The following SGCZ variants were observed in gnomAD, a reference collection of about 807,000 sequenced individuals.
The protein encoded by SGCZ is sarcoglycan zeta.
A neutral mutation model predicts 41.3 loss-of-function variants in SGCZ; 40 were observed. That is an observed-to-expected ratio of 0.97 (90% CI 0.75 to 1.26). The LOEUF (loss-of-function observed/expected upper bound fraction) is 1.26, where lower values mean the gene tolerates loss of function less well. Ranked by LOEUF, SGCZ falls within the 50% of genes most tolerant of loss-of-function variation. The pLI is 0.00. For missense variants in SGCZ, 552 were observed against 369.8 expected (o/e 1.49, Z -4.04); for synonymous variants, 206 against 137.5 (o/e 1.50, Z -3.49).
intron 1 of SGCZ, among the ~76,000 whole-genome samples, chr8:15,120,288 A>G (rs1264034271): frequency 6.6e-6 from 1 of 152,240 alleles, no homozygotes; most frequent in African/African-American, 2.4e-5. Flanking sequence ...TTAAAATTGT[A>G]AGAAAATTTC....
intron 5 of SGCZ, among the ~76,000 whole-genome samples, chr8:14,153,917 TCTCTCTCACA>T (rs1322959512): frequency 8.9e-6 from 1 of 112,656 alleles, no homozygotes; most frequent in African/African-American, 3.8e-5. Flanking sequence ...TCTCTCTCTC[TCTCTCTCACA>T]CACACACACA....
At chr8:14,595,418 C>G (rs1304590671) in intron 1 of SGCZ, among the ~76,000 whole-genome samples, 2 of 151,620 alleles carry the variant, frequency 1.3e-5, no homozygotes, top group African/African-American at 4.8e-5. Context: ...CACACACACA[C>G]ACACACACAC....
intron 1 of SGCZ, among the ~76,000 whole-genome samples, chr8:14,957,306 T>A (rs534308608): frequency 2.6e-5 from 4 of 152,126 alleles, no homozygotes; most frequent in Non-Finnish European, 5.9e-5. Context: ...TTAAATTTAA[T>A]GGTTACCATA....
chr8:14,116,485 T>C (rs1802526962), intron 5 of SGCZ, among the ~76,000 whole-genome samples: 1 of 152,116 alleles, frequency 6.6e-6, no homozygotes, highest in Non-Finnish European at 1.5e-5. Context: ...ATTCATTTAC[T>C]AATAACCAGG....
At chr8:15,116,961 T>C (rs1244658811) in intron 1 of SGCZ, among the ~76,000 whole-genome samples, 2 of 152,248 alleles carry the variant, frequency 1.3e-5, no homozygotes, top group Non-Finnish European at 2.9e-5. Flanking sequence ...AGATAGACAT[T>C]TATGAATTTT....
intron 1 of SGCZ, among the ~76,000 whole-genome samples, chr8:15,227,422 C>A (rs987921547): frequency 1.3e-5 from 2 of 152,096 alleles, no homozygotes; most frequent in Non-Finnish European, 2.9e-5. Context: ...CCAGAGAGTT[C>A]TAAGCATTAC....
rs73535230 is a variant in SGCZ at position 14,578,665 on chromosome 8, C to A, written c.40-23739G>T. Among the ~76,000 whole-genome samples the A allele has an allele frequency of 5.6e-3, 846 of 152,136 alleles. 8 individuals carry two copies. Among genetic ancestry groups the A allele is most frequent in the African/African-American group, 0.019 (806 of 41,490 alleles). ...ATTCTGAGGTCAATTTCAGAAAATT[C>A]GGTGATGAATAATAAGGGATATTAC... On this transcript the variant is annotated intron_variant, in intron 1 of 7. Coordinates refer to ENST00000382080, the MANE Select transcript of SGCZ (RefSeq NM_139167.4).
At chr8:14,857,478 A>G (rs1803582313) in intron 1 of SGCZ, among the ~76,000 whole-genome samples, 1 of 152,206 alleles carries the variant, frequency 6.6e-6, no homozygotes, top group Non-Finnish European at 1.5e-5. Context: ...TTATTTTTAC[A>G]AGACTAGTAT....
At chr8:14,337,981 C>G (rs1802560698) in intron 2 of SGCZ, among the ~76,000 whole-genome samples, 1 of 152,168 alleles carries the variant, frequency 6.6e-6, no homozygotes, top group East Asian at 1.9e-4. Context: ...TGCTTAATAA[C>G]TCTTGCTGTC....
intron 1 of SGCZ, among the ~76,000 whole-genome samples, chr8:14,644,696 C>T (rs574062991): frequency 2.6e-5 from 4 of 151,568 alleles, no homozygotes; most frequent in Middle Eastern, 3.4e-3. Flanking sequence ...TTTTAAGAGA[C>T]CAGCCAAAAA....
chr8:14,901,704 G>C (rs549355412), intron 1 of SGCZ, among the ~76,000 whole-genome samples: 2 of 151,870 alleles, frequency 1.3e-5, no homozygotes, highest in African/African-American at 2.4e-5. Flanking sequence ...ATATATTTTC[G>C]GTAAAAATGC....
chr8:14,626,876 T>A (rs997947071), intron 1 of SGCZ, among the ~76,000 whole-genome samples: 2 of 152,162 alleles, frequency 1.3e-5, no homozygotes, highest in Non-Finnish European at 2.9e-5. Flanking sequence ...TACTTTGTGA[T>A]GGTAGCAAAC....
chr8:15,169,340 A>G (rs1412731020), intron 1 of SGCZ, among the ~76,000 whole-genome samples: 3 of 152,204 alleles, frequency 2.0e-5, no homozygotes, highest in Non-Finnish European at 4.4e-5. Flanking sequence ...TGGAAAGTTC[A>G]GGACGTTTGC....
intron 1 of SGCZ, among the ~76,000 whole-genome samples, chr8:14,774,667 C>T (rs182716377): frequency 1.3e-5 from 2 of 152,226 alleles, no homozygotes; most frequent in Admixed American, 6.5e-5. Flanking sequence ...TTTGGATCAC[C>T]CTAGCTTTGA....
intron 2 of SGCZ, among the ~76,000 whole-genome samples, chr8:14,456,970 T>A (rs747323885): frequency 6.6e-5 from 10 of 152,152 alleles, no homozygotes; most frequent in Non-Finnish European, 1.5e-5. Flanking sequence ...ATTGTAAGCC[T>A]TGTGAGGCCT....
At chr8:14,234,662 A>C (rs1306475488) in intron 4 of SGCZ, among the ~76,000 whole-genome samples, 1 of 152,066 alleles carries the variant, frequency 6.6e-6, no homozygotes, top group East Asian at 1.9e-4. Flanking sequence ...CATACACATA[A>C]AAACTGAAAG....
At chr8:14,233,613 C>CTATATATATATATATATATATATTCTA (rs5889523) in intron 4 of SGCZ, among the ~76,000 whole-genome samples, 1 of 143,048 alleles carries the variant, frequency 7.0e-6, no homozygotes, top group African/African-American at 2.5e-5. Context: ...TATATATATT[C>CTATATATATATATATATATATATTCTA]TATATATATC....
chr8:14,608,400 G>C (rs1484746462), intron 1 of SGCZ, among the ~76,000 whole-genome samples: 1 of 151,912 alleles, frequency 6.6e-6, no homozygotes, highest in Non-Finnish European at 1.5e-5. Flanking sequence ...CATATGCTCA[G>C]CTTCTGGAGA....
At chr8:15,024,835 C>G (rs1051316965) in intron 1 of SGCZ, among the ~76,000 whole-genome samples, 1 of 152,024 alleles carries the variant, frequency 6.6e-6, no homozygotes, top group Non-Finnish European at 1.5e-5. Flanking sequence ...ACTAAGGAGG[C>G]TGAGGCAGGA....
Sources: allele counts gnomAD v4.1 joint callset (sites outside exome capture counted in the v4.1 genomes callset), GRCh38; gene constraint gnomAD v4.1.1; transcripts MANE v1.5; gene names NCBI Gene and HGNC (gene_info 2026-07-23, HGNC 2026-07-21).